The following RALGAPA2 variants were observed in gnomAD, a reference collection of about 807,000 sequenced individuals.
RALGAPA2 encodes the protein Ral GTPase activating protein catalytic subunit alpha 2, also known as ral GTPase-activating protein subunit alpha-2.
A neutral mutation model predicts 230.4 loss-of-function variants in RALGAPA2; 139 were observed. The observed-to-expected ratio is 0.60, with a 90% CI of 0.53 to 0.69. The LOEUF is 0.69. Among genes scored for constraint, RALGAPA2 ranks in the 30% least tolerant of loss-of-function variants. The pLI is 0.00. For synonymous variants in RALGAPA2, 847 were observed against 837.8 expected, an observed-to-expected ratio of 1.01 and a Z score of -0.19; for missense variants, 2,163 against 2,276.0, an observed-to-expected ratio of 0.95 and a Z score of 1.01.
At chr20:20,707,482 T>C (rs1299576495) in intron 1 of RALGAPA2, among the ~76,000 whole-genome samples, 1 of 152,064 alleles carries the variant, frequency 6.6e-6, no homozygotes, top group African/African-American at 2.4e-5. Context: ...TGGGATATGG[T>C]CTCAACAAAT....
rs1254743529 is a variant in RALGAPA2, at chr20:20,396,708, T to G, written c.*22A>C. 20 of 1,610,482 alleles carry G rather than the reference T, an allele frequency of 1.2e-5. No individual in the cohort carries two copies. Among genetic ancestry groups the G allele is most frequent in the Non-Finnish European group, 1.6e-5 (19 of 1,177,110 alleles). On this transcript the variant is annotated 3_prime_UTR_variant, in exon 39 of 40. Transcript: ENST00000202677. ...TGTCTGTCTTACCTTGCTCAAATAT[T>G]GAAATGAGACCTTTACGTGTTTTAA... is the stretch of plus-strand genomic sequence containing the variant.
intron 3 of RALGAPA2, among the ~76,000 whole-genome samples, chr20:20,675,306 G>A (rs1381843750): frequency 1.3e-5 from 2 of 152,140 alleles, no homozygotes; most frequent in Non-Finnish European, 2.9e-5. Flanking sequence ...GCCAAGTCCT[G>A]GGCAGGAAGT....
intron 3 of RALGAPA2, among the ~76,000 whole-genome samples, chr20:20,660,407 T>C (rs1243972227): frequency 6.6e-6 from 1 of 152,186 alleles, no homozygotes; most frequent in Non-Finnish European, 1.5e-5. Flanking sequence ...GTCTGAGAGA[T>C]CAGATTTGTT....
chr20:20,579,579 C>A lies in RALGAPA2; in HGVS notation c.2707+3471G>T, dbSNP rs185310752. The stretch of plus-strand genomic sequence containing the variant: ...ATTCTTAAAAGTTTCTCTGGTAATG[C>A]AGTTTTCATTTTGCTGAGGTTGAAT... On this transcript the variant is annotated intron_variant, in intron 20 of 39. Coordinates refer to ENST00000202677, the MANE Select transcript of RALGAPA2 (RefSeq NM_020343.4). Among the ~76,000 whole-genome samples, 224 of 152,230 alleles carry A rather than the reference C, an allele frequency of 1.5e-3. 1 individual carries two copies. The highest frequency in any genetic ancestry group is 5.2e-3 in the African/African-American group (215 of 41,536).
chr20:20,702,766 T>TA (rs2069437750), intron 1 of RALGAPA2, among the ~76,000 whole-genome samples: 1 of 152,214 alleles, frequency 6.6e-6, no homozygotes, highest in South Asian at 2.1e-4. Context: ...CAGGCATGGT[T>TA]AAGGTTCAAT....
At chr20:20,661,141 G>A (rs768354985) in intron 3 of RALGAPA2, among the ~76,000 whole-genome samples, 13 of 152,096 alleles carry the variant, frequency 8.5e-5, no homozygotes, top group Middle Eastern at 3.4e-3. Flanking sequence ...AAAAGTATAG[G>A]GCTATCATCG....
At chr20:20,567,306 C>T (rs1207021981) in intron 23 of RALGAPA2, among the ~76,000 whole-genome samples, 1 of 152,166 alleles carries the variant, frequency 6.6e-6, no homozygotes, top group Non-Finnish European at 1.5e-5. Flanking sequence ...TAGGTTCTTT[C>T]ATGTCAAACT....
chr20:20,453,030 C>T (rs919262679), intron 37 of RALGAPA2, among the ~76,000 whole-genome samples: 4 of 152,148 alleles, frequency 2.6e-5, no homozygotes, highest in Non-Finnish European at 5.9e-5. Context: ...GGCTTCTGTT[C>T]CCTCAACTAT....
chr20:20,643,452 G>T, intron 5 of RALGAPA2, 54 bp downstream of exon 5: 3 of 1,413,640 alleles, frequency 2.1e-6, no homozygotes, highest in Non-Finnish European at 2.8e-6. Context: ...TTACTTTGTG[G>T]CATTAACAAA....
intron 13 of RALGAPA2, among the ~76,000 whole-genome samples, 153 bp from the exon 14 acceptor site, chr20:20,611,579 T>C (rs2065976019): frequency 6.6e-6 from 1 of 152,232 alleles, no homozygotes; most frequent in South Asian, 2.1e-4. Flanking sequence ...ACATAATGAA[T>C]ACCATATTTT....
chr20:20,552,885 A>C (rs1302438433), intron 23 of RALGAPA2, among the ~76,000 whole-genome samples: 1 of 152,098 alleles, frequency 6.6e-6, no homozygotes, highest in Non-Finnish European at 1.5e-5. Context: ...TTTACATACT[A>C]CAAGCTGCTA....
intron 2 of RALGAPA2, among the ~76,000 whole-genome samples, chr20:20,678,440 G>A (rs2068410834): frequency 6.6e-6 from 1 of 152,112 alleles, no homozygotes; most frequent in Admixed American, 6.5e-5. Flanking sequence ...CTGTTCTACA[G>A]GAGCAATCAG....
At chr20:20,396,822 A>G in intron 38 of RALGAPA2, 88 bp from the exon 39 acceptor site, 1 of 1,137,852 alleles carries the variant, frequency 8.8e-7, no homozygotes, top group Admixed American at 1.9e-5. Flanking sequence ...CTAATAATAC[A>G]TTTATCCCTG....
At chr20:20,497,872 G>T (rs1045719307) in intron 35 of RALGAPA2, among the ~76,000 whole-genome samples, 3 of 152,192 alleles carry the variant, frequency 2.0e-5, no homozygotes, top group African/African-American at 7.2e-5. Flanking sequence ...AGTGGCACGT[G>T]ACTCAGACTT....
At chr20:20,619,543 T>A in intron 11 of RALGAPA2, 129 bp from the exon 12 acceptor site, 1 of 723,058 alleles carries the variant, frequency 1.4e-6, no homozygotes, top group Non-Finnish European at 1.8e-6. Context: ...TTCCTTAAAC[T>A]CACCAGGATT....
At position 20,668,361 on chromosome 20, in the gene RALGAPA2, C is replaced by T. The variant is rs1186814454; in HGVS notation, c.270+7875G>A. On this transcript the variant is annotated intron_variant, in intron 3 of 39. Coordinates refer to ENST00000202677, the MANE Select transcript of RALGAPA2 (RefSeq NM_020343.4). The stretch of plus-strand genomic sequence containing the variant: ...GAGGTTGCAGTGAACCAAGATAGTG[C>T]CACTGCACTCCAGCCTGAGCAACAG... Among the ~76,000 whole-genome samples the T allele has an allele frequency of 2.6e-5, 4 of 152,018 alleles. No individual in the cohort carries two copies. The East Asian group carries it at 7.7e-4, about 29-fold the overall frequency.
intron 26 of RALGAPA2, 116 bp from the exon 27 acceptor site, chr20:20,531,911 A>C: frequency 1.2e-6 from 1 of 843,582 alleles, no homozygotes; most frequent in Non-Finnish European, 1.8e-6. Context: ...AATATTATAG[A>C]TCTATTAGCA....
At chr20:20,590,275 A>G (rs1419131591) in intron 17 of RALGAPA2, among the ~76,000 whole-genome samples, 2 of 152,148 alleles carry the variant, frequency 1.3e-5, no homozygotes. Flanking sequence ...TTCCTACAAG[A>G]AAAATGCAGG....
At chr20:20,696,037 G>T (rs1173766342) in intron 1 of RALGAPA2, among the ~76,000 whole-genome samples, 1 of 151,874 alleles carries the variant, frequency 6.6e-6, no homozygotes, top group Non-Finnish European at 1.5e-5. Flanking sequence ...CAGTAGATTT[G>T]GGGATAACAG....
Sources: gnomAD v4.1 joint callset for allele counts (sites outside exome capture counted in the v4.1 genomes callset) on GRCh38, gnomAD v4.1.1 for gene constraint, MANE v1.5 for transcripts, NCBI Gene and HGNC (gene_info 2026-07-23, HGNC 2026-07-21) for gene names.